PKP4: variants seen among roughly 807,000 people sequenced by gnomAD.
PKP4 encodes the protein plakophilin 4, also known as plakophilin-4.
In PKP4, 90 loss-of-function variants were observed where a neutral mutation model predicts 145.1. That is an observed-to-expected ratio of 0.62 (90% CI 0.52 to 0.74). PKP4 has a LOEUF of 0.74. Ranked by LOEUF, PKP4 falls within the 30% of genes least tolerant of loss-of-function variation. The probability of loss-of-function intolerance (pLI) is 0.00; values close to 1 mark genes in which losing one functional copy is unlikely to be tolerated. For synonymous variants in PKP4, 563 were observed against 577.2 expected (o/e 0.98, Z 0.35); for missense variants, 1,340 against 1,482.7 (o/e 0.90, Z 1.58).
chr2:158,621,512 G>A (rs949656260), intron 6 of PKP4, 91 bp downstream of exon 6: 18 of 1,025,260 alleles, frequency 1.8e-5, no homozygotes, highest in Middle Eastern at 3.0e-4. Context: ...TTGGGAGGCC[G>A]AGGCGGGTGG....
At chr2:158,467,116 ATATAGTAGATAG>A (rs1690745286) in intron 1 of PKP4, among the ~76,000 whole-genome samples, 1 of 152,246 alleles carries the variant, frequency 6.6e-6, no homozygotes. Context: ...TTTGGTCTTA[ATATAGTAGATAG>A]AAATATTCTT....
chr2:158,470,325 C>T (rs764140757), intron 1 of PKP4, among the ~76,000 whole-genome samples: 12 of 152,140 alleles, frequency 7.9e-5, no homozygotes, highest in South Asian at 2.1e-4. Flanking sequence ...ATATAAGGCC[C>T]GTTACAGTCA....
chr2:158,658,370 G>A, intron 12 of PKP4, 56 bp downstream of exon 12: 1 of 1,086,558 alleles, frequency 9.2e-7, no homozygotes, highest in South Asian at 1.5e-5. Flanking sequence ...TGTGTCATAG[G>A]TAAATTGATT....
At chr2:158,479,452 G>A (rs1217643217) in intron 1 of PKP4, among the ~76,000 whole-genome samples, 4 of 152,118 alleles carry the variant, frequency 2.6e-5, no homozygotes, top group Non-Finnish European at 5.9e-5. Context: ...TTGAAATCCT[G>A]GACTCAAGCG....
chr2:158,480,750 G>T (rs1693228838), intron 1 of PKP4, among the ~76,000 whole-genome samples: 1 of 152,036 alleles, frequency 6.6e-6, no homozygotes, highest in African/African-American at 2.4e-5. Flanking sequence ...CTCCTATAAA[G>T]GATACAGTTC....
chr2:158,498,358 A>G (rs1304824702), intron 1 of PKP4, among the ~76,000 whole-genome samples: 1 of 152,218 alleles, frequency 6.6e-6, no homozygotes, highest in African/African-American at 2.4e-5. Context: ...GGGGAAAATC[A>G]AAACCTATCC....
chr2:158,615,603 T>A (rs1280192906), intron 4 of PKP4, among the ~76,000 whole-genome samples: 1 of 152,240 alleles, frequency 6.6e-6, no homozygotes, highest in African/African-American at 2.4e-5. Context: ...TAAAATTTAT[T>A]TTTAATGGTT....
chr2:158,663,582 G>GTT, intron 15 of PKP4, 137 bp downstream of exon 15: 1 of 691,698 alleles, frequency 1.4e-6, no homozygotes, highest in Non-Finnish European at 2.4e-6. Context: ...TGTGTGAAGG[G>GTT]GTTAAAGGGA....
At chr2:158,666,740 G>A (rs957086492) in intron 16 of PKP4, 177 bp downstream of exon 16, 2 of 501,504 alleles carry the variant, frequency 4.0e-6, no homozygotes, top group Admixed American at 4.1e-5. Context: ...TCAGCAGGAG[G>A]CAAGCTCATT....
chr2:158,670,066 A>G, intron 17 of PKP4, 151 bp downstream of exon 17: 2 of 612,744 alleles, frequency 3.3e-6, no homozygotes, highest in Non-Finnish European at 2.8e-6. Context: ...AGCACTTACA[A>G]CCTGCTATGC....
chr2:158,575,194 C>T (rs189079751), intron 2 of PKP4, among the ~76,000 whole-genome samples: 167 of 152,212 alleles, frequency 1.1e-3, no homozygotes, highest in Non-Finnish European at 1.8e-3. Flanking sequence ...AGGTTGTTTC[C>T]ATGTCAGGAT....
chr2:158,560,798 A>G (rs902384477), intron 2 of PKP4, among the ~76,000 whole-genome samples: 1 of 152,222 alleles, frequency 6.6e-6, no homozygotes, highest in Admixed American at 6.5e-5. Context: ...CCCATTTTAC[A>G]AGTGATTAAA....
At chr2:158,594,189 C>T (rs922397412) in intron 3 of PKP4, among the ~76,000 whole-genome samples, 18 of 152,116 alleles carry the variant, frequency 1.2e-4, no homozygotes, top group Admixed American at 1.2e-3. Flanking sequence ...CGCAGAGCCT[C>T]ACTGGTGGAA....
chr2:158,524,491 A>G (rs1227525955), intron 1 of PKP4, among the ~76,000 whole-genome samples: 10 of 117,192 alleles, frequency 8.5e-5, no homozygotes, highest in Non-Finnish European at 1.4e-4. Flanking sequence ...AGCACTAAAC[A>G]TGGAAAGGAA....
chr2:158,526,109 A>G (rs1354354782), intron 1 of PKP4, among the ~76,000 whole-genome samples: 1 of 150,870 alleles, frequency 6.6e-6, no homozygotes, highest in Non-Finnish European at 1.5e-5. Context: ...ATAGAAAAAG[A>G]GGGAATCCTC....
intron 1 of PKP4, among the ~76,000 whole-genome samples, chr2:158,471,494 C>CA (rs1691566525): frequency 6.6e-6 from 1 of 152,162 alleles, no homozygotes; most frequent in East Asian, 1.9e-4. Context: ...TGCTCATTGT[C>CA]AAAAAAAGCC....
At chr2:158,549,680 G>A (rs1169749702) in intron 2 of PKP4, among the ~76,000 whole-genome samples, 1 of 152,044 alleles carries the variant, frequency 6.6e-6, no homozygotes, top group Non-Finnish European at 1.5e-5. Flanking sequence ...CAACTGAATA[G>A]CCCAGTATTT....
At chr2:158,640,509 T>C (rs1208704582) in intron 9 of PKP4, 118 bp from the exon 10 acceptor site, 1 of 1,068,038 alleles carries the variant, frequency 9.4e-7, no homozygotes, top group Non-Finnish European at 1.3e-6. Flanking sequence ...TTTTTTAGGA[T>C]TTTTGTAACT....
At chr2:158,635,926 TTCACTACA>T (rs3841911) in intron 9 of PKP4, among the ~76,000 whole-genome samples, 101,504 of 151,336 alleles carry the variant, frequency 0.67, 36,506 homozygotes, top group East Asian at 0.92. Context: ...TTTGAAGTAA[TTCACTACA>T]AGTTTTATTC....
Sources: allele counts gnomAD v4.1 joint callset (sites outside exome capture counted in the v4.1 genomes callset), GRCh38; gene constraint gnomAD v4.1.1; transcripts MANE v1.5; gene names NCBI Gene and HGNC (gene_info 2026-07-23, HGNC 2026-07-21).